PRKG1: variants seen among roughly 807,000 people sequenced by gnomAD.
PRKG1 encodes cGMP-dependent protein kinase 1.
In PRKG1, 35 loss-of-function variants were observed where a neutral mutation model predicts 88.1. The ratio of observed to expected loss-of-function variants is 0.40; its 90% CI spans 0.30 to 0.53. The LOEUF (loss-of-function observed/expected upper bound fraction) is 0.53, where lower values mean the gene tolerates loss of function less well. PRKG1 is among the 20% of genes least tolerant of loss of function. PRKG1 has a pLI of 0.59. For missense variants in PRKG1, 540 were observed against 839.8 expected, an observed-to-expected ratio of 0.64 and a Z score of 4.41; for synonymous variants, 303 against 292.5, an observed-to-expected ratio of 1.04 and a Z score of -0.37.
At chr10:51,406,171 C>G (rs1043234280) in intron 2 of PRKG1, among the ~76,000 whole-genome samples, 3 of 152,114 alleles carry the variant, frequency 2.0e-5, no homozygotes, top group Admixed American at 1.3e-4. Context: ...CACTCCAGCC[C>G]CACTGCCTGC....
At chr10:51,633,571 C>A (rs1839580859) in intron 3 of PRKG1, among the ~76,000 whole-genome samples, 1 of 152,018 alleles carries the variant, frequency 6.6e-6, no homozygotes, top group African/African-American at 2.4e-5. Flanking sequence ...AAGGCATAAA[C>A]ATGATAATGA....
intron 3 of PRKG1, among the ~76,000 whole-genome samples, chr10:51,506,326 G>A (rs1332745209): frequency 4.6e-5 from 7 of 151,998 alleles, no homozygotes; most frequent in Admixed American, 1.3e-4. Context: ...AAACTAAAGA[G>A]CTTCTGCACA....
chr10:52,291,792 G>A (rs1842254075), intron 17 of PRKG1, among the ~76,000 whole-genome samples: 1 of 151,818 alleles, frequency 6.6e-6, no homozygotes, highest in Non-Finnish European at 1.5e-5. Context: ...TGGGTCAAAT[G>A]GTATTTCTAG....
chr10:51,053,961 A>G (rs1203668918), intron 1 of PRKG1, among the ~76,000 whole-genome samples: 1 of 152,144 alleles, frequency 6.6e-6, no homozygotes, highest in Non-Finnish European at 1.5e-5. Flanking sequence ...CAGTTTTCAA[A>G]GCTAAGTACA....
intron 1 of PRKG1, among the ~76,000 whole-genome samples, chr10:51,022,155 G>A (rs1469157580): frequency 1.3e-5 from 2 of 152,128 alleles, no homozygotes; most frequent in Non-Finnish European, 2.9e-5. Flanking sequence ...GAAGTCCTAG[G>A]ATCATGACCC....
chr10:51,931,664 C>T (rs1202073970), intron 5 of PRKG1, among the ~76,000 whole-genome samples: 1 of 152,114 alleles, frequency 6.6e-6, no homozygotes, highest in East Asian at 1.9e-4. Context: ...AAAGGAAAAA[C>T]TCTCAGTTGT....
chr10:52,157,499 G>A (rs1047706323), intron 8 of PRKG1, among the ~76,000 whole-genome samples: 4 of 150,758 alleles, frequency 2.7e-5, no homozygotes, highest in African/African-American at 7.3e-5. Context: ...CTGATGAACC[G>A]AATTATATTC....
intron 8 of PRKG1, among the ~76,000 whole-genome samples, chr10:52,142,251 T>C (rs1837600391): frequency 6.6e-6 from 1 of 152,120 alleles, no homozygotes; most frequent in Non-Finnish European, 1.5e-5. Flanking sequence ...GTTTCAGTGA[T>C]TTTTCACCTA....
In PRKG1 at chr10:51,454,780, G is replaced by T. The variant is rs551720653; in HGVS notation, c.479-12943G>T. 1.3e-4 allele frequency among the ~76,000 whole-genome samples: 20 copies of T among 152,234 alleles called. No individual in the cohort carries two copies. In the South Asian group the frequency reaches 4.1e-3, roughly 32 times the overall value. ...TGGGGAAAATCACCACCATGATTCA[G>T]TTATCTCCCACTGGGTCCCTCACAT... On this transcript the variant is annotated intron_variant, in intron 2 of 17. Coordinates refer to ENST00000373980, the MANE Select transcript of PRKG1 (RefSeq NM_006258.4).
At chr10:51,047,031 T>C (rs16913134) in intron 1 of PRKG1, among the ~76,000 whole-genome samples, 2,010 of 152,334 alleles carry the variant, frequency 0.013, 49 homozygotes, top group African/African-American at 0.04. Flanking sequence ...ATATTCTTTC[T>C]GTAAAACTAG....
chr10:51,286,621 T>C (rs896004818), intron 2 of PRKG1, among the ~76,000 whole-genome samples: 1 of 152,232 alleles, frequency 6.6e-6, no homozygotes, highest in African/African-American at 2.4e-5. Context: ...TTGTACTTAT[T>C]TATGAGGTAA....
intron 2 of PRKG1, among the ~76,000 whole-genome samples, chr10:51,362,787 C>A (rs1207408198): frequency 2.0e-5 from 3 of 151,806 alleles, no homozygotes; most frequent in African/African-American, 7.3e-5. Flanking sequence ...TAGCCCCCAA[C>A]CCCTCAACAG....
chr10:52,267,333 G>T (rs1359381599), intron 10 of PRKG1, among the ~76,000 whole-genome samples: 1 of 151,938 alleles, frequency 6.6e-6, no homozygotes, highest in Non-Finnish European at 1.5e-5. Flanking sequence ...GTTATGCTCT[G>T]TACAATTTCT....
intron 2 of PRKG1, among the ~76,000 whole-genome samples, chr10:51,406,449 C>A (rs563679982): frequency 6.6e-6 from 1 of 152,144 alleles, no homozygotes; most frequent in Non-Finnish European, 1.5e-5. Flanking sequence ...TCTTGGCCCA[C>A]TGGAGATAGA....
At chr10:51,126,137 T>TCA (rs1554838531) in intron 1 of PRKG1, among the ~76,000 whole-genome samples, 59 of 118,822 alleles carry the variant, frequency 5.0e-4, no homozygotes, top group African/African-American at 2.0e-3. Flanking sequence ...AATTTTATAA[T>TCA]TATATATATT....
At chr10:51,507,166 G>A (rs1244776567) in intron 3 of PRKG1, among the ~76,000 whole-genome samples, 2 of 134,832 alleles carry the variant, frequency 1.5e-5, no homozygotes, top group African/African-American at 2.7e-5. Context: ...TAGGGGGAGG[G>A]GGGAGGGATA....
At chr10:51,287,071 T>A (rs1840460025) in intron 2 of PRKG1, among the ~76,000 whole-genome samples, 1 of 152,076 alleles carries the variant, frequency 6.6e-6, no homozygotes, top group African/African-American at 2.4e-5. Context: ...AGAGATGGGA[T>A]TTTTTCTGTT....
At chr10:51,782,914 G>A (rs545954960) in intron 3 of PRKG1, among the ~76,000 whole-genome samples, 16 of 151,976 alleles carry the variant, frequency 1.1e-4, no homozygotes, top group Non-Finnish European at 2.4e-4. Flanking sequence ...CGTGAAAATG[G>A]ACTAATACAG....
intron 2 of PRKG1, among the ~76,000 whole-genome samples, chr10:51,355,931 T>C (rs1842356769): frequency 6.6e-6 from 1 of 152,014 alleles, no homozygotes; most frequent in Non-Finnish European, 1.5e-5. Context: ...AGATTCTTTC[T>C]GCAGGAAAAA....
Sources: gnomAD v4.1 joint callset for allele counts (sites outside exome capture counted in the v4.1 genomes callset) on GRCh38, gnomAD v4.1.1 for gene constraint, MANE v1.5 for transcripts, NCBI Gene and HGNC (gene_info 2026-07-23, HGNC 2026-07-21) for gene names.